The following SIRPG variants were observed in gnomAD, a reference collection of about 807,000 sequenced individuals.
SIRPG encodes the protein signal regulatory protein gamma.
SIRPG carries 38 observed loss-of-function variants against 35.7 expected under a neutral mutation model. That is an observed-to-expected ratio of 1.06 (90% CI 0.82 to 1.40). The LOEUF is 1.40. Ranked by LOEUF, SIRPG falls within the 40% of genes most tolerant of loss-of-function variation. SIRPG has a pLI of 0.00. For missense variants in SIRPG, 519 were observed against 483.0 expected (o/e 1.07, Z -0.70); for synonymous variants, 215 against 190.4 (o/e 1.13, Z -1.06).
At chr20:1,641,661 C>G (rs1054881259) in intron 2 of SIRPG, among the ~76,000 whole-genome samples, 1 of 152,054 alleles carries the variant, frequency 6.6e-6, no homozygotes, top group African/African-American at 2.4e-5. Context: ...TCTTGCTTCT[C>G]TAGATCTTTT....
At chr20:1,680,949 CT>C in the SIRPG span, among the ~76,000 whole-genome samples, 5 of 152,286 alleles carry the variant, frequency 3.3e-5, no homozygotes, top group African/African-American at 1.2e-4. Flanking sequence ...AAAAGGGAAA[CT>C]ACTTTTTCTA....
chr20:1,672,175 C>T, the SIRPG span, among the ~76,000 whole-genome samples: 1 of 152,064 alleles, frequency 6.6e-6, no homozygotes, highest in South Asian at 2.1e-4. Flanking sequence ...TTCTGCTTCC[C>T]GGGATGCAGT....
intron 2 of SIRPG, among the ~76,000 whole-genome samples, chr20:1,639,440 T>C (rs1044726468): frequency 6.6e-6 from 1 of 152,252 alleles, no homozygotes; most frequent in African/African-American, 2.4e-5. Context: ...TGTGTGTTCA[T>C]ATACTTTGCA....
the SIRPG span, among the ~76,000 whole-genome samples, chr20:1,678,388 A>G: frequency 6.6e-6 from 1 of 152,244 alleles, no homozygotes; most frequent in African/African-American, 2.4e-5. Flanking sequence ...AACAAAGAGA[A>G]ATTATAAAAA....
the SIRPG span, among the ~76,000 whole-genome samples, chr20:1,676,285 G>A: frequency 6.6e-6 from 1 of 152,148 alleles, no homozygotes; most frequent in African/African-American, 2.4e-5. Context: ...ACCTAGCAAT[G>A]CCACCTCCAG....
At chr20:1,676,848 G>T in the SIRPG span, 1 of 165,594 alleles carries the variant, frequency 6.0e-6, no homozygotes. Context: ...CGACTGACAT[G>T]AACTTCTCAG....
chr20:1,665,705 G>A, the SIRPG span, among the ~76,000 whole-genome samples: 543 of 152,324 alleles, frequency 3.6e-3, 1 homozygote, highest in African/African-American at 0.012. Flanking sequence ...TCCTCAAGAA[G>A]AGCCTCACAA....
chr20:1,635,118 ACT>A (rs2091785434), intron 4 of SIRPG, 147 bp downstream of exon 4: 2 of 613,902 alleles, frequency 3.3e-6, no homozygotes, highest in African/African-American at 1.8e-5. Flanking sequence ...ACTAGTCATG[ACT>A]CTTCGCATGT....
intron 1 of SIRPG, among the ~76,000 whole-genome samples, chr20:1,654,484 T>C (rs2091963309): frequency 6.6e-6 from 1 of 152,198 alleles, no homozygotes; most frequent in African/African-American, 2.4e-5. Flanking sequence ...GAAAGTTGGA[T>C]ATCCATGTGT....
Position 1,657,765 on chromosome 20 carries a change from G to T in SIRPG, c.-51C>A. On this transcript the variant is annotated 5_prime_UTR_variant, in exon 1 of 6. Transcript: ENST00000303415. ...GTTCAAACGTCTGTTCTGGGGAGAT[G>T]TCAGGCCCTGCTCTGAAGACAGAAG... 3 of 1,540,854 alleles carry T rather than the reference G, an allele frequency of 1.9e-6. No homozygotes were observed. The highest frequency in any genetic ancestry group is 2.7e-6 in the Non-Finnish European group (3 of 1,118,784).
chr20:1,658,701 A>G (rs2091987658), upstream of SIRPG, among the ~76,000 whole-genome samples: 3 of 152,178 alleles, frequency 2.0e-5, no homozygotes, highest in Admixed American at 1.3e-4. Context: ...TAATGAGCAT[A>G]TCATGCCTGA....
the SIRPG span, among the ~76,000 whole-genome samples, chr20:1,672,930 C>T: frequency 6.6e-6 from 1 of 152,122 alleles, no homozygotes; most frequent in African/African-American, 2.4e-5. Flanking sequence ...GAAACACAGA[C>T]CCAGGCCATC....
At chr20:1,678,712 A>G in the SIRPG span, among the ~76,000 whole-genome samples, 6 of 152,214 alleles carry the variant, frequency 3.9e-5, no homozygotes, top group African/African-American at 1.4e-4. Flanking sequence ...ACATGAATCT[A>G]CAAGCTTAAG....
chr20:1,643,058 C>A (rs2091866897), intron 2 of SIRPG, among the ~76,000 whole-genome samples: 1 of 152,020 alleles, frequency 6.6e-6, no homozygotes, highest in Non-Finnish European at 1.5e-5. Context: ...TGGGGTTGAT[C>A]TTCTTGTGGA....
chr20:1,647,947 C>T (rs2091909717), intron 2 of SIRPG: 1 of 152,178 alleles, frequency 6.6e-6, no homozygotes, highest in South Asian at 2.1e-4. Flanking sequence ...AAGACAGTGT[C>T]TAACAAACAC....
rs1159174227 is a variant in SIRPG, at chr20:1,629,321, C to T, written c.*318G>A. The T allele has an allele frequency of 6.6e-6, 1 of 152,220 alleles. No homozygotes were observed. The highest frequency in any genetic ancestry group is 2.4e-5 in the African/African-American group (1 of 41,412). 9.4% of individuals were successfully genotyped at this position (152,220 alleles called of 1,614,324 possible). ...CTGTGGTTTACGGTCAGTCTCAAGG[C>T]GATGGATGGGAGTCCTGGTGTGTTT... On this transcript the variant is annotated 3_prime_UTR_variant, in exon 6 of 6. Coordinates refer to ENST00000303415, the MANE Select transcript of SIRPG (RefSeq NM_018556.4).
At chr20:1,635,656 G>A (rs1385770412) in intron 3 of SIRPG, 57 bp from the exon 4 acceptor site, 1 of 1,568,226 alleles carries the variant, frequency 6.4e-7, no homozygotes, top group South Asian at 1.1e-5. Flanking sequence ...TCACAGGGAG[G>A]GCTCCATAAC....
chr20:1,677,129 A>T, the SIRPG span, among the ~76,000 whole-genome samples: 1 of 142,766 alleles, frequency 7.0e-6, no homozygotes, highest in South Asian at 2.1e-4. Flanking sequence ...GAGCTTAAAC[A>T]TGAGACTGTA....
At chr20:1,685,468 CAG>C in the SIRPG span, among the ~76,000 whole-genome samples, 23 of 152,116 alleles carry the variant, frequency 1.5e-4, no homozygotes, top group African/African-American at 5.5e-4. Context: ...TAATAAGACA[CAG>C]AGCAGAGACG....
Sources: gnomAD v4.1 joint callset for allele counts (sites outside exome capture counted in the v4.1 genomes callset) on GRCh38, gnomAD v4.1.1 for gene constraint, MANE v1.5 for transcripts, NCBI Gene and HGNC (gene_info 2026-07-23, HGNC 2026-07-21) for gene names.